Variants in FAM135B observed in about 807,000 individuals in gnomAD.
FAM135B encodes the protein family with sequence similarity 135 member B.
In FAM135B, 43 loss-of-function variants were observed where a neutral mutation model predicts 127.7. The ratio of observed to expected loss-of-function variants is 0.34; its 90% confidence interval spans 0.26 to 0.43. FAM135B has a LOEUF of 0.43. Ranked by LOEUF, FAM135B falls within the 20% of genes least tolerant of loss-of-function variation. The probability of loss-of-function intolerance (pLI) is 1.00; values close to 1 mark genes in which losing one functional copy is unlikely to be tolerated. For synonymous variants in FAM135B, 670 were observed against 665.1 expected, an observed-to-expected ratio of 1.01 and a Z score of -0.11; for missense variants, 1,558 against 1,725.6, an observed-to-expected ratio of 0.90 and a Z score of 1.72.
At chr8:138,144,500 A>C (rs1319546552) in intron 15 of FAM135B, 1 of 121,386 alleles carries the variant, frequency 8.2e-6, no homozygotes, top group East Asian at 2.5e-4. Context: ...CATCTATAAA[A>C]TGTTAATTCA....
At chr8:138,460,378 A>T (rs1324372755) in intron 1 of FAM135B, among the ~76,000 whole-genome samples, 1 of 152,186 alleles carries the variant, frequency 6.6e-6, no homozygotes, top group African/African-American at 2.4e-5. Flanking sequence ...CAGAAGCTAA[A>T]GCCTTCTTCC....
intron 7 of FAM135B, among the ~76,000 whole-genome samples, chr8:138,217,867 A>C (rs201527029): frequency 0.014 from 2,131 of 152,284 alleles, 51 homozygotes; most frequent in African/African-American, 0.047. Flanking sequence ...GTAGGAAGAG[A>C]AAAAGTTGAA....
chr8:138,197,392 A>G, intron 8 of FAM135B, 124 bp downstream of exon 8: 1 of 1,219,382 alleles, frequency 8.2e-7, no homozygotes, highest in Non-Finnish European at 1.1e-6. Flanking sequence ...ATCACAGCCC[A>G]AACCTACCTG....
chr8:138,454,655 G>C (rs546294575), intron 1 of FAM135B, among the ~76,000 whole-genome samples: 2 of 152,292 alleles, frequency 1.3e-5, no homozygotes, highest in African/African-American at 4.8e-5. Context: ...GAGGCAGGCA[G>C]GATTCTGTAA....
At chr8:138,149,518 T>G (rs1817947093) in intron 13 of FAM135B, among the ~76,000 whole-genome samples, 1 of 152,192 alleles carries the variant, frequency 6.6e-6, no homozygotes, top group Admixed American at 6.5e-5. Context: ...CTTTCTCACT[T>G]AGCTATGATG....
chr8:138,347,730 T>C (rs2131097469), intron 2 of FAM135B, among the ~76,000 whole-genome samples: 1 of 152,280 alleles, frequency 6.6e-6, no homozygotes. Context: ...ACACCTGTTC[T>C]AGGACAATCA....
intron 3 of FAM135B, among the ~76,000 whole-genome samples, chr8:138,272,725 G>C (rs762848845): frequency 3.5e-4 from 54 of 152,182 alleles, no homozygotes; most frequent in Non-Finnish European, 8.8e-5. Context: ...GTACACTTTA[G>C]TTGCTCAACA....
intron 2 of FAM135B, among the ~76,000 whole-genome samples, chr8:138,317,872 G>A (rs978323384): frequency 1.3e-5 from 2 of 152,224 alleles, no homozygotes; most frequent in African/African-American, 4.8e-5. Context: ...GTGCCTCTGT[G>A]TGAGGGCAGC....
At chr8:138,389,269 A>G (rs1405472567) in intron 1 of FAM135B, among the ~76,000 whole-genome samples, 1 of 152,226 alleles carries the variant, frequency 6.6e-6, no homozygotes, top group Non-Finnish European at 1.5e-5. Context: ...AATTAAACCT[A>G]GAATTACCAC....
At chr8:138,203,127 T>C (rs1332768627) in intron 7 of FAM135B, among the ~76,000 whole-genome samples, 3 of 152,242 alleles carry the variant, frequency 2.0e-5, no homozygotes, top group Non-Finnish European at 4.4e-5. Context: ...ACAGAGTATA[T>C]ATACAAATCA....
chr8:138,285,134 A>ATTTTTTTTTTT (rs386414180), intron 3 of FAM135B, among the ~76,000 whole-genome samples: 4 of 54,748 alleles, frequency 7.3e-5, no homozygotes, highest in Non-Finnish European at 6.3e-5. Context: ...GGCTCTACTA[A>ATTTTTTTTTTT]TTTTTTTTTT....
In FAM135B at chr8:138,373,963, T is replaced by G. The variant is rs182732550; in HGVS notation, c.-19-5961A>C. 4.2e-3 allele frequency among the ~76,000 whole-genome samples: 642 copies of G among 152,282 alleles called. 7 individuals are homozygous for G. Among genetic ancestry groups the G allele is most frequent in the African/African-American group, 0.015 (621 of 41,552 alleles). On this transcript the variant is annotated intron_variant, in intron 1 of 19. Coordinates refer to ENST00000395297, the MANE Select transcript of FAM135B (RefSeq NM_015912.4). ...TTTTAATTTCACCCCTGTCCTGTGG[T>G]CCTGTGATCTCGCCCTGCCTCCATT...
chr8:138,392,979 TG>T (rs776838076), intron 1 of FAM135B, among the ~76,000 whole-genome samples: 2 of 152,164 alleles, frequency 1.3e-5, no homozygotes, highest in African/African-American at 4.8e-5. Flanking sequence ...GAGTTTTAAT[TG>T]GACTTAAAGT....
chr8:138,359,722 T>C (rs953015658), intron 2 of FAM135B, among the ~76,000 whole-genome samples: 21 of 152,182 alleles, frequency 1.4e-4, no homozygotes, highest in South Asian at 8.3e-4. Context: ...GCAAAGATAA[T>C]TGTATTTCTG....
chr8:138,348,070 A>G (rs536329514), intron 2 of FAM135B, among the ~76,000 whole-genome samples: 2 of 150,596 alleles, frequency 1.3e-5, no homozygotes, highest in South Asian at 2.1e-4. Flanking sequence ...TCCAAGGAGA[A>G]GGCTCAAAGT....
chr8:138,191,062 A>C (rs898583532), intron 9 of FAM135B, among the ~76,000 whole-genome samples: 3 of 152,210 alleles, frequency 2.0e-5, no homozygotes, highest in African/African-American at 7.2e-5. Context: ...TTTGGCTCAG[A>C]ATAAATCTCC....
intron 3 of FAM135B, among the ~76,000 whole-genome samples, chr8:138,294,608 T>C (rs1016504143): frequency 6.6e-6 from 1 of 152,082 alleles, no homozygotes; most frequent in Non-Finnish European, 1.5e-5. Context: ...TCTGAGGTAA[T>C]TTAAAAGGTT....
At chr8:138,442,237 C>CACATATATAT (rs1835821029) in intron 1 of FAM135B, among the ~76,000 whole-genome samples, 1 of 51,898 alleles carries the variant, frequency 1.9e-5, no homozygotes, top group South Asian at 9.9e-4. Flanking sequence ...ATATGGACAC[C>CACATATATAT]ATATATATAT....
At position 138,258,810 on chromosome 8, in the gene FAM135B, C is replaced by CACACAA. The variant is rs1220534589; in HGVS notation, c.298-2052_298-2051insTTGTGT. 2.6e-4 allele frequency among the ~76,000 whole-genome samples: 22 copies of CACACAA among 84,152 alleles called. 1 individual carries two copies. Among genetic ancestry groups the CACACAA allele is most frequent in the Non-Finnish European group, 1.1e-4 (4 of 35,596 alleles). 55.2% of individuals were successfully genotyped at this position (84,152 alleles called of 152,430 possible). ...TTCAAAAAGACACACACACCACACA[C>CACACAA]ACACACACACACACACACACACACA... On this transcript the variant is annotated intron_variant, in intron 4 of 19. Coordinates refer to ENST00000395297, the MANE Select transcript of FAM135B (RefSeq NM_015912.4).
Sources: allele counts gnomAD v4.1 joint callset (sites outside exome capture counted in the v4.1 genomes callset), GRCh38; gene constraint gnomAD v4.1.1; transcripts MANE v1.5; gene names NCBI Gene and HGNC (gene_info 2026-07-23, HGNC 2026-07-21).